The following AFG2A variants were observed in gnomAD, a reference collection of about 807,000 sequenced individuals.
AFG2A encodes the protein AAA ATPase AFG2A, also known as ATPase family gene 2 protein homolog A.
chr4:123,301,313 G>T, the AFG2A span, among the ~76,000 whole-genome samples: 1 of 152,044 alleles, frequency 6.6e-6, no homozygotes, highest in Non-Finnish European at 1.5e-5. Context: ...ATGTAACAAA[G>T]ATTGCTTTAT....
chr4:122,934,055 A>G, the AFG2A span: 4 of 1,507,288 alleles, frequency 2.7e-6, no homozygotes, highest in Admixed American at 9.0e-5. Flanking sequence ...AACTGGTAAA[A>G]AAAATTATGC....
chr4:122,924,636 A>G, the AFG2A span, among the ~76,000 whole-genome samples: 4 of 152,036 alleles, frequency 2.6e-5, no homozygotes, highest in Admixed American at 2.0e-4. Context: ...TTTCCTCTCA[A>G]TAAATCCTGT....
At chr4:123,108,065 G>T in the AFG2A span, among the ~76,000 whole-genome samples, 15,939 of 152,188 alleles carry the variant, frequency 0.1, 936 homozygotes, top group Middle Eastern at 0.2. Context: ...CAGGGCTCCT[G>T]CCCGTTCGCA....
the AFG2A span, among the ~76,000 whole-genome samples, chr4:123,279,274 G>A: frequency 6.6e-6 from 1 of 152,062 alleles, no homozygotes; most frequent in Non-Finnish European, 1.5e-5. Context: ...AAATGAGCCG[G>A]GCGTGGTGGC....
chr4:122,946,850 G>A, the AFG2A span, among the ~76,000 whole-genome samples: 1 of 151,992 alleles, frequency 6.6e-6, no homozygotes, highest in Non-Finnish European at 1.5e-5. Context: ...TGACTTTCAA[G>A]TAGGGGAAAA....
the AFG2A span, among the ~76,000 whole-genome samples, chr4:123,018,688 T>C: frequency 1.3e-5 from 2 of 151,872 alleles, no homozygotes; most frequent in African/African-American, 2.4e-5. Flanking sequence ...GGCTAGAGTG[T>C]AGTGGCATGC....
chr4:123,132,916 G>A, the AFG2A span, among the ~76,000 whole-genome samples: 4 of 151,954 alleles, frequency 2.6e-5, no homozygotes, highest in Admixed American at 1.3e-4. Context: ...CGGTAGCTGG[G>A]ACTACAGGCG....
chr4:123,267,676 C>T, the AFG2A span, among the ~76,000 whole-genome samples: 4 of 151,836 alleles, frequency 2.6e-5, no homozygotes, highest in African/African-American at 9.7e-5. Context: ...AAATTTCTTG[C>T]CTGAATATGT....
At chr4:123,249,724 A>G in the AFG2A span, among the ~76,000 whole-genome samples, 1 of 152,216 alleles carries the variant, frequency 6.6e-6, no homozygotes, top group Non-Finnish European at 1.5e-5. Context: ...GCCATTACAT[A>G]CAGTCTACAA....
At chr4:123,086,450 G>T in the AFG2A span, among the ~76,000 whole-genome samples, 1 of 152,052 alleles carries the variant, frequency 6.6e-6, no homozygotes, top group East Asian at 1.9e-4. Flanking sequence ...CTTCTTAAAG[G>T]TTTTTTAAAA....
At chr4:122,982,272 C>T in the AFG2A span, among the ~76,000 whole-genome samples, 2 of 152,052 alleles carry the variant, frequency 1.3e-5, no homozygotes, top group African/African-American at 2.4e-5. Context: ...TTTTATTCTT[C>T]GTCCTTTTAA....
At chr4:123,213,739 CT>C in the AFG2A span, among the ~76,000 whole-genome samples, 1 of 152,144 alleles carries the variant, frequency 6.6e-6, no homozygotes, top group Non-Finnish European at 1.5e-5. Context: ...TTGGTACTGT[CT>C]AAAGTTAAAC....
the AFG2A span, among the ~76,000 whole-genome samples, chr4:123,087,315 C>G: frequency 6.6e-6 from 1 of 152,128 alleles, no homozygotes; most frequent in African/African-American, 2.4e-5. Flanking sequence ...TTAGGTGGGA[C>G]AGGATGGCTA....
chr4:123,022,022 A>G, the AFG2A span, among the ~76,000 whole-genome samples: 20 of 151,436 alleles, frequency 1.3e-4, no homozygotes, highest in Admixed American at 3.3e-4. Context: ...CTTACGCCTT[A>G]TACAAAAATT....
the AFG2A span, among the ~76,000 whole-genome samples, chr4:123,084,580 G>GTA: frequency 0.18 from 24,224 of 131,904 alleles, 2,176 homozygotes; most frequent in East Asian, 0.4. Context: ...TATGTAAATA[G>GTA]TATATATATA....
At chr4:122,966,847 C>T in the AFG2A span, among the ~76,000 whole-genome samples, 1 of 152,066 alleles carries the variant, frequency 6.6e-6, no homozygotes, top group Non-Finnish European at 1.5e-5. Flanking sequence ...CTTGTGTACC[C>T]TCATATGTAA....
chr4:122,958,761 A>C, the AFG2A span, among the ~76,000 whole-genome samples: 1 of 152,178 alleles, frequency 6.6e-6, no homozygotes, highest in Non-Finnish European at 1.5e-5. Context: ...ATAGGGCATT[A>C]GTTCCTAAAC....
At chr4:122,964,243 C>T in the AFG2A span, among the ~76,000 whole-genome samples, 4 of 152,094 alleles carry the variant, frequency 2.6e-5, no homozygotes, top group Non-Finnish European at 5.9e-5. Flanking sequence ...GTGGCTCACA[C>T]CTGTAATCCC....
At chr4:123,223,956 T>G in the AFG2A span, among the ~76,000 whole-genome samples, 2 of 152,334 alleles carry the variant, frequency 1.3e-5, no homozygotes, top group African/African-American at 4.8e-5. Flanking sequence ...ATTTTTGCAT[T>G]CTGTGCTTTT....
Sources: allele counts gnomAD v4.1 joint callset (sites outside exome capture counted in the v4.1 genomes callset), GRCh38; gene constraint gnomAD v4.1.1; transcripts MANE v1.5; gene names NCBI Gene and HGNC (gene_info 2026-07-23, HGNC 2026-07-21).